The following AKAP8L variants were observed in gnomAD, a reference collection of about 807,000 sequenced individuals.
AKAP8L encodes the protein A-kinase anchoring protein 8 like.
AKAP8L carries 34 observed loss-of-function variants against 77.5 expected under a neutral mutation model. The observed-to-expected ratio is 0.44, with a 90% confidence interval of 0.33 to 0.58. AKAP8L has a LOEUF of 0.58. AKAP8L is among the 20% of genes least tolerant of loss of function. The pLI is 0.02. For synonymous variants in AKAP8L, 342 were observed against 340.7 expected (o/e 1.00, Z -0.04); for missense variants, 806 against 887.6 (o/e 0.91, Z 1.17).
In AKAP8L at chr19:15,407,456, T is replaced by C. The variant is rs1310089256; in HGVS notation, c.88+3064A>G. Among the ~76,000 whole-genome samples, 8 of 152,180 alleles carry C rather than the reference T, an allele frequency of 5.3e-5. No homozygotes were observed. In the East Asian group the frequency reaches 1.5e-3, roughly 29 times the overall value. ...GAAAAATAAATCCATCTCTATTCTT[T>C]CACAATTGTGTATGTAAAAAAATCT... On this transcript the variant is annotated intron_variant, in intron 2 of 13. Transcript: ENST00000397410.
At chr19:15,404,810 G>A (rs1417320197) in intron 2 of AKAP8L, among the ~76,000 whole-genome samples, 1 of 152,212 alleles carries the variant, frequency 6.6e-6, no homozygotes, top group Non-Finnish European at 1.5e-5. Context: ...AGACAGCAGG[G>A]CAATAAGTGG....
rs571782185 is a variant in AKAP8L at position 15,415,743 on chromosome 19, G to A, written c.13+3168C>T. On this transcript the variant is annotated intron_variant, in intron 1 of 13. Coordinates refer to ENST00000397410, the MANE Select transcript of AKAP8L (RefSeq NM_014371.4). ...CTACTAAAAATACAAAAAATTAGCC[G>A]GGTGTGGTGGCGGGCACCTGTAGTC... 2.4e-3 allele frequency among the ~76,000 whole-genome samples: 359 copies of A among 152,002 alleles called. 5 individuals carry two copies. The highest frequency in any genetic ancestry group is 3.8e-4 in the Non-Finnish European group (26 of 67,958).
chr19:15,403,661 T>C lies in AKAP8L; in HGVS notation c.176A>G (p.Tyr59Cys), dbSNP rs1967943374. The change falls in exon 4 of 14, where the codon TAT becomes TGT. Residue 59 changes from tyrosine (Y) to cysteine (C), a missense_variant. Around this residue, in one of 2 missense-constraint regions of AKAP8L, gnomAD observed 580 missense variants for 694.1 expected, o/e 0.84. Coordinates refer to ENST00000397410, the MANE Select transcript of AKAP8L (RefSeq NM_014371.4). This position sits in a 1 kb window ranked among gnomAD's most constrained non-coding sequence, Gnocchi z 4.3. ...GTGTGAAGTGGCCATACCATACCCATAGTTGGTGGTGTTATCCTGGCCATA... is the reference window on the plus strand; with the variant it reads ...GTGTGAAGTGGCCATACCATACCCACAGTTGGTGGTGTTATCCTGGCCATA... ...YGYGQDNTTN[Y>C]GYGMATSHSW... is the part of the protein sequence containing the mutation. The C allele has an allele frequency of 1.2e-6, 2 of 1,612,474 alleles. No individual in the cohort carries two copies. Among genetic ancestry groups the C allele is most frequent in the African/African-American group, 1.3e-5 (1 of 74,940 alleles).
chr19:15,406,404 A>AGAGAGAGAGAGAGAG (rs60749981), intron 2 of AKAP8L, among the ~76,000 whole-genome samples: 1 of 143,710 alleles, frequency 7.0e-6, no homozygotes, highest in African/African-American at 2.6e-5. Flanking sequence ...AGAGAGAGAG[A>AGAGAGAGAGAGAGAG]TCCTTAAAAT....
intron 6 of AKAP8L, 30 bp from the exon 7 acceptor site, chr19:15,400,894 C>A (rs1472762278): frequency 6.2e-7 from 1 of 1,613,940 alleles, no homozygotes; most frequent in Non-Finnish European, 8.5e-7. Flanking sequence ...AAGCTCAACC[C>A]AGGAGTTCCC....
At chr19:15,415,799 T>A (rs2145154155) in intron 1 of AKAP8L, among the ~76,000 whole-genome samples, 1 of 150,970 alleles carries the variant, frequency 6.6e-6, no homozygotes, top group Non-Finnish European at 1.5e-5. Context: ...GGCAGGAGAA[T>A]GGCATGAACC....
At chr19:15,416,425 G>A (rs1968209048) in intron 1 of AKAP8L, among the ~76,000 whole-genome samples, 1 of 152,180 alleles carries the variant, frequency 6.6e-6, no homozygotes, top group Admixed American at 6.5e-5. Flanking sequence ...ACCATGTTGT[G>A]AGGATACTCC....
In AKAP8L at chr19:15,397,124, A is replaced by C; in HGVS notation, c.1536+26T>G. The C allele has an allele frequency of 1.2e-6, 2 of 1,612,742 alleles. No individual in the cohort carries two copies. The highest frequency in any genetic ancestry group is 1.7e-6 in the Non-Finnish European group (2 of 1,179,548). Reference sequence around the variant, plus strand: ...GCCTCACTCAATCTACCCACAGGACAGAGGGAGAGCACTGTGGCCACTCAC... The same window carrying C: ...GCCTCACTCAATCTACCCACAGGACCGAGGGAGAGCACTGTGGCCACTCAC... On this transcript the variant is annotated intron_variant, in intron 12 of 13. Coordinates refer to ENST00000397410, the MANE Select transcript of AKAP8L (RefSeq NM_014371.4). The surrounding 1 kb of genome is among the most constrained non-coding windows in gnomAD (Gnocchi z 4.7).
At position 15,399,197 on chromosome 19, in the gene AKAP8L, C is replaced by G; in HGVS notation, c.1157+105G>C. On this transcript the variant is annotated intron_variant, in intron 9 of 13. Transcript: ENST00000397410. The surrounding 1 kb of genome is among the most constrained non-coding windows in gnomAD (Gnocchi z 6.1). Reference sequence around the variant, plus strand: ...TGCACGGCCGAGCAGGTGGCGGCTCCCAAGGGAGGCCAGAGGGCGGCGAGC... The same window carrying G: ...TGCACGGCCGAGCAGGTGGCGGCTCGCAAGGGAGGCCAGAGGGCGGCGAGC... 9.4e-7 allele frequency: 1 copy of G among 1,059,384 alleles called. No individual in the cohort carries two copies. The highest frequency in any genetic ancestry group is 1.4e-5 in the South Asian group (1 of 73,400). 65.6% of individuals were successfully genotyped at this position (1,059,384 alleles called of 1,614,324 possible). A position where few individuals can be genotyped will look rare whatever the true frequency, so the allele number is the denominator to read the frequency against.
At chr19:15,416,689 A>G (rs188053509) in intron 1 of AKAP8L, among the ~76,000 whole-genome samples, 3 of 152,372 alleles carry the variant, frequency 2.0e-5, no homozygotes, top group Admixed American at 1.3e-4. Flanking sequence ...TGACAAGTAC[A>G]GTAGCATTTC....
In AKAP8L at chr19:15,397,704, C is replaced by T. The variant is rs756325107; in HGVS notation, c.1299+10G>A. The T allele has an allele frequency of 6.2e-6, 10 of 1,613,858 alleles. No individual in the cohort carries two copies. The Admixed American group carries it at 1.7e-4, about 27-fold the overall frequency. ...GAAACTAAGAGCGGCTGTGTTACTC[C>T]AAGGCTCACCTGCAGAAAGTCAGCC... is the stretch of plus-strand genomic sequence containing the variant. On this transcript the variant is annotated intron_variant, in intron 10 of 13. Coordinates refer to ENST00000397410, the MANE Select transcript of AKAP8L (RefSeq NM_014371.4). This position sits in a 1 kb window ranked among gnomAD's most constrained non-coding sequence, Gnocchi z 4.7.
intron 1 of AKAP8L, among the ~76,000 whole-genome samples, chr19:15,412,917 T>C (rs1968134741): frequency 6.6e-6 from 1 of 152,232 alleles, no homozygotes; most frequent in African/African-American, 2.4e-5. Flanking sequence ...GTATTTGCCT[T>C]TCCCATCAGA....
intron 12 of AKAP8L, among the ~76,000 whole-genome samples, chr19:15,385,352 T>G (rs889342390): frequency 2.7e-5 from 4 of 149,956 alleles, no homozygotes; most frequent in Non-Finnish European, 4.4e-5. Context: ...TGGCTAATTT[T>G]TTGTATTTTT....
At chr19:15,384,099 T>C (rs1827080600) in intron 12 of AKAP8L, among the ~76,000 whole-genome samples, 1 of 151,564 alleles carries the variant, frequency 6.6e-6, no homozygotes, top group South Asian at 2.1e-4. Flanking sequence ...ACCCGGCTAA[T>C]TTTTTGTATT....
chr19:15,388,723 G>C (rs1325693527), intron 12 of AKAP8L, among the ~76,000 whole-genome samples: 12 of 152,046 alleles, frequency 7.9e-5, no homozygotes, highest in African/African-American at 2.9e-4. Flanking sequence ...AGACCATCCT[G>C]GCTAACATGG....
intron 12 of AKAP8L, among the ~76,000 whole-genome samples, chr19:15,388,335 G>C (rs915743920): frequency 1.1e-5 from 1 of 89,114 alleles, no homozygotes; most frequent in Non-Finnish European, 2.2e-5. Context: ...GAAAAATTAT[G>C]AGACATCCAA....
chr19:15,410,715 AC>A (rs1259117785), intron 1 of AKAP8L, 121 bp from the exon 2 acceptor site: 7 of 712,458 alleles, frequency 9.8e-6, no homozygotes, highest in Non-Finnish European at 1.2e-5. Flanking sequence ...AGCCACCAAA[AC>A]CTCTAGATTC....
chr19:15,415,398 G>A (rs1968184808), intron 1 of AKAP8L, among the ~76,000 whole-genome samples: 1 of 152,066 alleles, frequency 6.6e-6, no homozygotes, highest in Non-Finnish European at 1.5e-5. Context: ...TTGTGCCACT[G>A]CACTCCAACC....
chr19:15,401,653 C>T lies in AKAP8L; in HGVS notation c.363-50G>A, dbSNP rs1967903961. ...AGGTGGAGCCCCTCAGGATCCCTCA[C>T]CTCCAGGCAACTGCTCCTGCCCTCC... On this transcript the variant is annotated intron_variant, in intron 4 of 13. Transcript: ENST00000397410. The surrounding 1 kb of genome is among the most constrained non-coding windows in gnomAD (Gnocchi z 6.2). 3 of 1,442,146 alleles carry T rather than the reference C, an allele frequency of 2.1e-6. No homozygotes were observed. Among genetic ancestry groups the T allele is most frequent in the Non-Finnish European group, 9.3e-7 (1 of 1,074,046 alleles). The allele number at this position is 1,442,146 out of a possible 1,614,324, so 89.3% of individuals were successfully genotyped here.
Sources: allele counts gnomAD v4.1 joint callset (sites outside exome capture counted in the v4.1 genomes callset), GRCh38; gene constraint gnomAD v4.1.1; regional missense constraint gnomAD v4.1.1; non-coding constraint Gnocchi (gnomAD v3.1); transcripts MANE v1.5; gene names NCBI Gene and HGNC (gene_info 2026-07-23, HGNC 2026-07-21).